The following KCNJ6 variants were observed in gnomAD, a reference collection of about 807,000 sequenced individuals.
The protein encoded by KCNJ6 is potassium inwardly rectifying channel subfamily J member 6.
Under a neutral mutation model 34.2 loss-of-function variants are expected in KCNJ6, and 9 were observed. The ratio of observed to expected loss-of-function variants is 0.26; its 90% CI spans 0.16 to 0.46. The LOEUF is 0.46. Ranked by LOEUF, KCNJ6 falls within the 20% of genes least tolerant of loss-of-function variation. The probability of loss-of-function intolerance (pLI) is 1.00; values close to 1 mark genes in which losing one functional copy is unlikely to be tolerated. For missense variants in KCNJ6, 236 were observed against 531.3 expected, an observed-to-expected ratio of 0.44 and a Z score of 5.46; for synonymous variants, 196 against 207.1, an observed-to-expected ratio of 0.95 and a Z score of 0.46.
At chr21:37,851,678 C>CT (rs879943007) in intron 1 of KCNJ6, among the ~76,000 whole-genome samples, 35 of 151,238 alleles carry the variant, frequency 2.3e-4, no homozygotes, top group African/African-American at 3.4e-4. Context: ...TTTATCTCTT[C>CT]TTTTTTTTTC....
intron 2 of KCNJ6, among the ~76,000 whole-genome samples, chr21:37,817,038 TGTA>T (rs1447233299): frequency 1.3e-5 from 2 of 152,196 alleles, no homozygotes; most frequent in African/African-American, 4.8e-5. Flanking sequence ...CCCCTCCCAT[TGTA>T]GCTGGATAGC....
chr21:37,659,143 G>A (rs1380531403), intron 3 of KCNJ6, among the ~76,000 whole-genome samples: 1 of 152,196 alleles, frequency 6.6e-6, no homozygotes, highest in Non-Finnish European at 1.5e-5. Flanking sequence ...GGCCCCTGGT[G>A]GAGTCCAGAA....
chr21:37,801,549 G>A (rs1352009520), intron 2 of KCNJ6, among the ~76,000 whole-genome samples: 2 of 152,100 alleles, frequency 1.3e-5, no homozygotes, highest in Admixed American at 6.5e-5. Flanking sequence ...CCCTCCTTGG[G>A]TCTCTACTTG....
intron 1 of KCNJ6, among the ~76,000 whole-genome samples, chr21:37,859,217 ATTG>A (rs1015548270): frequency 1.3e-5 from 2 of 152,026 alleles, no homozygotes; most frequent in East Asian, 1.9e-4. Flanking sequence ...CCCAAGATAC[ATTG>A]TTAAGTAAAA....
rs536551841 is a variant in KCNJ6, at chr21:37,637,561, C to T, written c.947-12077G>A. On this transcript the variant is annotated intron_variant, in intron 3 of 3. Coordinates refer to ENST00000609713, the MANE Select transcript of KCNJ6 (RefSeq NM_002240.5). ...TGTGTGCTCGGTGTGAGCCAACCAT[C>T]TGGTCCCTGAAACAGTCTTCTCAGA... 3.3e-5 allele frequency among the ~76,000 whole-genome samples: 5 copies of T among 152,178 alleles called. No homozygotes were observed. The South Asian group carries it at 1.0e-3, about 32-fold the overall frequency.
At chr21:37,856,291 T>C (rs1568873726) in intron 1 of KCNJ6, among the ~76,000 whole-genome samples, 1 of 152,254 alleles carries the variant, frequency 6.6e-6, no homozygotes, top group Non-Finnish European at 1.5e-5. Flanking sequence ...AGAATTACTG[T>C]GCCTAAGGCA....
chr21:37,859,239 T>C (rs1461755276), intron 1 of KCNJ6, among the ~76,000 whole-genome samples: 1 of 151,920 alleles, frequency 6.6e-6, no homozygotes, highest in African/African-American at 2.4e-5. Context: ...AAAAGCTATT[T>C]ATAAAAGAGA....
At chr21:37,858,130 G>A (rs1018201276) in intron 1 of KCNJ6, among the ~76,000 whole-genome samples, 4 of 151,998 alleles carry the variant, frequency 2.6e-5, no homozygotes, top group African/African-American at 4.8e-5. Context: ...GGTGGCTCAC[G>A]CCTGTAATCT....
At chr21:37,627,002 T>C (rs970320018) in intron 3 of KCNJ6, among the ~76,000 whole-genome samples, 10 of 152,192 alleles carry the variant, frequency 6.6e-5, no homozygotes, top group South Asian at 2.1e-4. Context: ...CAGTATGTCA[T>C]CTGTTAGGAC....
At chr21:37,693,320 G>A (rs2054648474) in intron 3 of KCNJ6, among the ~76,000 whole-genome samples, 1 of 152,226 alleles carries the variant, frequency 6.6e-6, no homozygotes, top group Admixed American at 6.5e-5. Flanking sequence ...ACCATTTGGA[G>A]GATGGGAGTC....
intron 3 of KCNJ6, among the ~76,000 whole-genome samples, chr21:37,661,609 A>G (rs2054488355): frequency 1.2e-5 from 1 of 81,578 alleles, no homozygotes; most frequent in Non-Finnish European, 2.6e-5. Context: ...TCCTTAAGAG[A>G]CATAGTTTTT....
intron 2 of KCNJ6, among the ~76,000 whole-genome samples, chr21:37,786,718 T>C (rs1400314833): frequency 6.6e-6 from 1 of 152,220 alleles, no homozygotes; most frequent in African/African-American, 2.4e-5. Context: ...GCTCTTGAAT[T>C]TGCTACTTAC....
intron 3 of KCNJ6, among the ~76,000 whole-genome samples, chr21:37,693,661 A>G (rs1394139181): frequency 6.6e-6 from 1 of 152,242 alleles, no homozygotes; most frequent in African/African-American, 2.4e-5. Context: ...ATTTTGGGAT[A>G]AAAGCAGAAA....
chr21:37,769,156 T>C (rs561160546), intron 2 of KCNJ6, among the ~76,000 whole-genome samples: 3 of 152,288 alleles, frequency 2.0e-5, no homozygotes, highest in East Asian at 3.9e-4. Context: ...TTAAGCTGCA[T>C]TGATATACTG....
intron 3 of KCNJ6, among the ~76,000 whole-genome samples, chr21:37,708,387 T>C (rs2054732326): frequency 6.6e-6 from 1 of 152,134 alleles, no homozygotes; most frequent in Admixed American, 6.5e-5. Context: ...GTTTACCATA[T>C]TTGGGGAGCA....
intron 2 of KCNJ6, among the ~76,000 whole-genome samples, chr21:37,722,984 A>G (rs1472998974): frequency 3.9e-5 from 6 of 152,216 alleles, no homozygotes; most frequent in Non-Finnish European, 8.8e-5. Flanking sequence ...CAAACTATCA[A>G]CAGGGTAAAC....
chr21:37,853,238 C>T (rs1274266712), intron 1 of KCNJ6, among the ~76,000 whole-genome samples: 3 of 149,780 alleles, frequency 2.0e-5, no homozygotes, highest in Admixed American at 6.6e-5. Context: ...ACATGATAAA[C>T]TTCTGAAAAC....
At chr21:37,678,143 A>G (rs1365900085) in intron 3 of KCNJ6, among the ~76,000 whole-genome samples, 1 of 152,164 alleles carries the variant, frequency 6.6e-6, no homozygotes, top group Non-Finnish European at 1.5e-5. Context: ...AAGATTTCAA[A>G]GAGGATGGGA....
chr21:37,860,966 T>C (rs2055592155), intron 1 of KCNJ6, among the ~76,000 whole-genome samples: 1 of 152,234 alleles, frequency 6.6e-6, no homozygotes, highest in South Asian at 2.1e-4. Flanking sequence ...GGGAAAGTCC[T>C]TAACCTCCTT....
Sources: gnomAD v4.1 joint callset for allele counts (sites outside exome capture counted in the v4.1 genomes callset) on GRCh38, gnomAD v4.1.1 for gene constraint, MANE v1.5 for transcripts, NCBI Gene and HGNC (gene_info 2026-07-23, HGNC 2026-07-21) for gene names.